Variants in PRDM16 observed in about 807,000 individuals in gnomAD.
PRDM16 encodes PR/SET domain 16, also known as histone-lysine N-methyltransferase PRDM16.
Under a neutral mutation model 110.6 loss-of-function variants are expected in PRDM16, and 23 were observed. That is an observed-to-expected ratio of 0.21 (90% CI 0.15 to 0.29). PRDM16 has a LOEUF of 0.29. Ranked by LOEUF, PRDM16 falls within the 10% of genes least tolerant of loss-of-function variation. PRDM16 has a pLI of 1.00. For missense variants in PRDM16, 1,615 were observed against 1,794.3 expected, an observed-to-expected ratio of 0.90 and a Z score of 1.81; for synonymous variants, 799 against 781.8, an observed-to-expected ratio of 1.02 and a Z score of -0.37.
At chr1:3,077,493 A>G (rs1641926812) in intron 1 of PRDM16, among the ~76,000 whole-genome samples, 1 of 152,224 alleles carries the variant, frequency 6.6e-6, no homozygotes. Context: ...CACTCGTGTG[A>G]ACCTGTTCCT....
intron 3 of PRDM16, among the ~76,000 whole-genome samples, chr1:3,311,287 C>G (rs1641455145): frequency 2.0e-5 from 3 of 152,220 alleles, no homozygotes; most frequent in African/African-American, 7.2e-5. Flanking sequence ...TCGGCTCACT[C>G]TTTTGCCTTC....
Position 3,434,518 on chromosome 1 carries a change from G to A in PRDM16, c.*707G>A, listed in dbSNP as rs903656013. On this transcript the variant is annotated 3_prime_UTR_variant, in exon 17 of 17. Coordinates refer to ENST00000270722, the MANE Select transcript of PRDM16 (RefSeq NM_022114.4). The stretch of plus-strand genomic sequence containing the variant: ...AGGTGATGCTGGGTGCCCCGAGGCA[G>A]AACAAGAGGCGCGGGGCCACACCCG... 1.6e-4 allele frequency: 38 copies of A among 231,798 alleles called. No homozygotes were observed. The highest frequency in any genetic ancestry group is 1.3e-3 in the Middle Eastern group (1 of 774). 14.4% of individuals were successfully genotyped at this position (231,798 alleles called of 1,614,324 possible).
chr1:3,221,071 G>A (rs1040625802), intron 2 of PRDM16, among the ~76,000 whole-genome samples: 1 of 152,226 alleles, frequency 6.6e-6, no homozygotes, highest in African/African-American at 2.4e-5. Flanking sequence ...GGGGGGACGG[G>A]TTGCCAGTGG....
chr1:3,368,115 A>C (rs1642847086), intron 3 of PRDM16, among the ~76,000 whole-genome samples: 1 of 152,120 alleles, frequency 6.6e-6, no homozygotes. Flanking sequence ...TTCCCAACAG[A>C]GGGGAGGAGG....
rs945163627 is a variant in PRDM16 at position 3,186,351 on chromosome 1, G to T, written c.264G>T (p.Glu88Asp). The T allele has an allele frequency of 4.2e-5, 68 of 1,612,276 alleles. 1 individual carries two copies. Among genetic ancestry groups the T allele is most frequent in the Non-Finnish European group, 5.3e-5 (62 of 1,179,804 alleles). ...TCCCAGCAGACTTCGAGCTCCGAGA[G>T]TCCTCCATCCCAGGGGCTGGCCTGG... ...IPIPADFELR[E>D]SSIPGAGLGV... Residue 88 changes from glutamate (E) to aspartate (D), a missense_variant, in exon 2 of 17, where the codon GAG becomes GAT. By Grantham distance (45) the Glu-to-Asp change is conservative (BLOSUM62 2). Transcript: ENST00000270722.
chr1:3,435,986 G>A lies in PRDM16; in HGVS notation c.*2175G>A, dbSNP rs763296474. The A allele has an allele frequency of 1.1e-4, 26 of 230,472 alleles. No individual in the cohort carries two copies. The highest frequency in any genetic ancestry group is 1.8e-4 in the South Asian group (1 of 5,518). 14.3% of individuals were successfully genotyped at this position (230,472 alleles called of 1,614,324 possible). On this transcript the variant is annotated 3_prime_UTR_variant, in exon 17 of 17. Coordinates refer to ENST00000270722, the MANE Select transcript of PRDM16 (RefSeq NM_022114.4). ...CTGCAGAAGAGCCAGCTGGCGTGTC[G>A]GGAAGGATCCAGGATCTGCAAACAC... is the stretch of plus-strand genomic sequence containing the variant.
chr1:3,084,974 G>A (rs993304186), intron 1 of PRDM16, among the ~76,000 whole-genome samples: 6 of 152,208 alleles, frequency 3.9e-5, no homozygotes, highest in Non-Finnish European at 5.9e-5. Context: ...GCAGGCGGGC[G>A]GGTGCTGGGG....
chr1:3,126,298 CCAGGCCAGCCCTGGCCA>C (rs1274462109), intron 1 of PRDM16, among the ~76,000 whole-genome samples: 1 of 152,168 alleles, frequency 6.6e-6, no homozygotes, highest in African/African-American at 2.4e-5. Flanking sequence ...CAGTCTGGCC[CCAGGCCAGCCCTGGCCA>C]CAGGTGCCAA....
intron 3 of PRDM16, among the ~76,000 whole-genome samples, chr1:3,257,030 A>G (rs932547868): frequency 6.6e-6 from 1 of 152,216 alleles, no homozygotes; most frequent in East Asian, 1.9e-4. Flanking sequence ...GTTTTTTTAA[A>G]TGAACACCGA....
chr1:3,152,906 C>G (rs1375613542), intron 1 of PRDM16, among the ~76,000 whole-genome samples: 1 of 152,200 alleles, frequency 6.6e-6, no homozygotes, highest in Non-Finnish European at 1.5e-5. Flanking sequence ...TCCCCTCTAC[C>G]AAGCCCAGAC....
intron 3 of PRDM16, among the ~76,000 whole-genome samples, chr1:3,269,050 G>A (rs888514392): frequency 2.1e-4 from 32 of 152,246 alleles, no homozygotes; most frequent in Non-Finnish European, 2.1e-4. Flanking sequence ...CAGGCGTCTC[G>A]GGCTTGTTTC....
chr1:3,245,503 G>A lies in PRDM16; in HGVS notation c.438+1366G>A, dbSNP rs1190084389. Among the ~76,000 whole-genome samples, 4 of 152,150 alleles carry A rather than the reference G, an allele frequency of 2.6e-5. No homozygotes were observed. The highest frequency in any genetic ancestry group is 3.9e-4 in the East Asian group (2 of 5,176). ...CGCAGTGACCCGCTGAAGGGCCTCC[G>A]GAAACTGGGTGAACTGGTTCCCGTG... On this transcript the variant is annotated intron_variant, in intron 3 of 16. Transcript: ENST00000270722. The surrounding 1 kb of genome is among the most constrained non-coding windows in gnomAD (Gnocchi z 4.7).
chr1:3,360,609 G>C (rs55717224), intron 3 of PRDM16, among the ~76,000 whole-genome samples: 1 of 152,192 alleles, frequency 6.6e-6, no homozygotes, highest in Non-Finnish European at 1.5e-5. Flanking sequence ...TCACAGCAGA[G>C]GAGGAGGGCC....
intron 3 of PRDM16, among the ~76,000 whole-genome samples, chr1:3,267,566 C>A (rs1324842993): frequency 2.0e-5 from 3 of 152,208 alleles, no homozygotes; most frequent in Non-Finnish European, 4.4e-5. Context: ...TTTTGGGGAA[C>A]CTCCAGACTG....
At chr1:3,186,767 AG>A (rs1248956724) in intron 2 of PRDM16, among the ~76,000 whole-genome samples, 1 of 152,184 alleles carries the variant, frequency 6.6e-6, no homozygotes, top group Non-Finnish European at 1.5e-5. Flanking sequence ...GCCGGATCCC[AG>A]GCGCGAACAC....
At chr1:3,266,007 C>T (rs977631457) in intron 3 of PRDM16, among the ~76,000 whole-genome samples, 4 of 152,316 alleles carry the variant, frequency 2.6e-5, no homozygotes, top group East Asian at 3.9e-4. Flanking sequence ...CCACCTGGCC[C>T]CTCTTTCCAT....
chr1:3,216,408 A>G (rs1639031972), intron 2 of PRDM16, among the ~76,000 whole-genome samples: 1 of 152,226 alleles, frequency 6.6e-6, no homozygotes, highest in Non-Finnish European at 1.5e-5. Flanking sequence ...ATGCTCCTGC[A>G]GGCCCCTGAG....
At chr1:3,288,419 G>T (rs1005225013) in intron 3 of PRDM16, among the ~76,000 whole-genome samples, 2 of 152,132 alleles carry the variant, frequency 1.3e-5, no homozygotes, top group Non-Finnish European at 2.9e-5. Context: ...TATGTCCCAC[G>T]GCTGGAAGGG....
intron 1 of PRDM16, among the ~76,000 whole-genome samples, chr1:3,127,354 C>T (rs1055047109): frequency 1.3e-5 from 2 of 152,202 alleles, no homozygotes; most frequent in African/African-American, 4.8e-5. Context: ...TTCTTGTTTG[C>T]TACATCTGAT....
Sources: allele counts gnomAD v4.1 joint callset (sites outside exome capture counted in the v4.1 genomes callset), GRCh38; gene constraint gnomAD v4.1.1; non-coding constraint Gnocchi (gnomAD v3.1); transcripts MANE v1.5; gene names NCBI Gene and HGNC (gene_info 2026-07-23, HGNC 2026-07-21).